The following NBAS variants were observed in gnomAD, a reference collection of about 807,000 sequenced individuals.
NBAS encodes the protein NBAS subunit of NRZ tethering complex, also known as NAG/BC035112 fusion.
A neutral mutation model predicts 302.5 loss-of-function variants in NBAS; 219 were observed. The ratio of observed to expected loss-of-function variants is 0.72; its 90% CI spans 0.65 to 0.81. NBAS has a LOEUF of 0.81. Ranked by LOEUF, NBAS falls within the 30% of genes least tolerant of loss-of-function variation. NBAS has a pLI of 0.00. For missense variants in NBAS, 2,932 were observed against 2,841.6 expected (o/e 1.03, Z -0.72); for synonymous variants, 1,118 against 1,021.6 (o/e 1.09, Z -1.80).
the NBAS span, among the ~76,000 whole-genome samples, chr2:14,788,683 G>C: frequency 6.6e-6 from 1 of 152,192 alleles, no homozygotes; most frequent in African/African-American, 2.4e-5. Flanking sequence ...TCCTCTGGAA[G>C]TTTTGTCTCA....
chr2:14,991,765 A>G, the NBAS span, among the ~76,000 whole-genome samples: 1 of 152,240 alleles, frequency 6.6e-6, no homozygotes, highest in Non-Finnish European at 1.5e-5. Flanking sequence ...CTGTATGAGA[A>G]TCTTCAGTTT....
Position 15,379,681 on chromosome 2 carries a change from T to C in NBAS, c.3511A>G (p.Ile1171Val). 8 of 1,614,014 alleles carry C rather than the reference T, an allele frequency of 5.0e-6. 1 individual carries two copies. The South Asian group carries it at 8.8e-5, about 18-fold the overall frequency. The change falls in exon 30 of 52, where the codon ATT becomes GTT. Residue 1171 changes from isoleucine to valine, a missense_variant. Transcript: ENST00000281513. Reference sequence around the variant, plus strand: ...CTGCTGGCAGCCAAAACCAAGTCAATACTCTTTTCGTAGCTGACCCTGTAG... The same window carrying C: ...CTGCTGGCAGCCAAAACCAAGTCAACACTCTTTTCGTAGCTGACCCTGTAG... ...PHYRVSYEKS[I>V]DLVLAASREY...
chr2:15,242,670 T>C (rs1335315328), intron 44 of NBAS, among the ~76,000 whole-genome samples: 1 of 151,584 alleles, frequency 6.6e-6, no homozygotes, highest in Non-Finnish European at 1.5e-5. Context: ...CTTTACTGTA[T>C]CTAGTGGCCC....
rs916720474 is a variant in NBAS, at chr2:15,410,993, G to A, written c.2937+4553C>T. 2.6e-5 allele frequency among the ~76,000 whole-genome samples: 4 copies of A among 152,238 alleles called. No homozygotes were observed. The South Asian group carries it at 6.2e-4, about 24-fold the overall frequency. On this transcript the variant is annotated intron_variant, in intron 25 of 51. Coordinates refer to ENST00000281513, the MANE Select transcript of NBAS (RefSeq NM_015909.4). ...GGCCTTGAACACGTTCTCCCTCTGC[G>A]GATGGTACTGTTCAATTTCAGCCTG...
chr2:15,149,151 A>T, the NBAS span, among the ~76,000 whole-genome samples: 1 of 152,240 alleles, frequency 6.6e-6, no homozygotes, highest in African/African-American at 2.4e-5. Context: ...TGATTAGTTC[A>T]TGAGGGCTTT....
chr2:15,456,538 A>G (rs7598196), intron 21 of NBAS, among the ~76,000 whole-genome samples: 94,002 of 152,040 alleles, frequency 0.62, 29,855 homozygotes, highest in Non-Finnish European at 0.68. Flanking sequence ...ACATTCGTGA[A>G]CAAGAGGCAA....
the NBAS span, among the ~76,000 whole-genome samples, chr2:14,795,516 A>T: frequency 6.7e-6 from 1 of 148,758 alleles, no homozygotes; most frequent in East Asian, 1.9e-4. Context: ...TATCAGATAT[A>T]ATTTGCAAAT....
At chr2:15,011,894 C>A in the NBAS span, among the ~76,000 whole-genome samples, 40 of 152,274 alleles carry the variant, frequency 2.6e-4, no homozygotes, top group South Asian at 8.3e-4. Context: ...AAAACCAACA[C>A]CCCAAGATCC....
chr2:15,276,824 A>G (rs746048787), intron 43 of NBAS, 27 bp downstream of exon 43: 2 of 1,613,828 alleles, frequency 1.2e-6, no homozygotes, highest in South Asian at 2.2e-5. Context: ...AAAAGAATGA[A>G]TTCAAGCAGG....
chr2:15,371,792 A>C (rs1418099450), intron 31 of NBAS, among the ~76,000 whole-genome samples: 1 of 152,162 alleles, frequency 6.6e-6, no homozygotes, highest in Non-Finnish European at 1.5e-5. Context: ...GAAAGAGGGC[A>C]ATGAACAGAG....
chr2:15,495,547 C>G (rs919154788), intron 11 of NBAS, among the ~76,000 whole-genome samples: 2 of 151,800 alleles, frequency 1.3e-5, no homozygotes, highest in Non-Finnish European at 2.9e-5. Flanking sequence ...TTTTAAAAAG[C>G]CATATTGTTA....
chr2:15,467,579 G>T, intron 18 of NBAS, 85 bp downstream of exon 18: 1 of 1,398,118 alleles, frequency 7.2e-7, no homozygotes, highest in Non-Finnish European at 1.0e-6. Flanking sequence ...AAAATAATTT[G>T]GACTAATTAT....
the NBAS span, among the ~76,000 whole-genome samples, chr2:14,781,512 G>C: frequency 6.6e-6 from 1 of 151,942 alleles, no homozygotes; most frequent in Admixed American, 6.6e-5. Context: ...GCAGGTTCTG[G>C]TCATTTCTTT....
the NBAS span, among the ~76,000 whole-genome samples, chr2:14,873,075 T>G: frequency 1.3e-5 from 2 of 152,222 alleles, no homozygotes; most frequent in African/African-American, 4.8e-5. Flanking sequence ...TCGGGTGGAC[T>G]GCGTTTATTC....
At chr2:15,144,176 C>T in the NBAS span, among the ~76,000 whole-genome samples, 1 of 151,724 alleles carries the variant, frequency 6.6e-6, no homozygotes, top group Admixed American at 6.6e-5. Flanking sequence ...CTCCCCAACA[C>T]ATATGCACAC....
At chr2:15,105,114 T>C in the NBAS span, among the ~76,000 whole-genome samples, 48,797 of 151,908 alleles carry the variant, frequency 0.32, 8,163 homozygotes, top group South Asian at 0.4. Context: ...TGCAGGGACA[T>C]AGATGAAGCT....
chr2:15,401,304 T>G (rs189558706), intron 26 of NBAS, among the ~76,000 whole-genome samples: 1 of 151,950 alleles, frequency 6.6e-6, no homozygotes, highest in Non-Finnish European at 1.5e-5. Flanking sequence ...AAATAAAAAT[T>G]TCCTTTAGTC....
intron 51 of NBAS, among the ~76,000 whole-genome samples, chr2:15,169,234 C>T (rs950208379): frequency 6.6e-6 from 1 of 152,156 alleles, no homozygotes; most frequent in Non-Finnish European, 1.5e-5. Context: ...TTTGACCCCA[C>T]CTTTGACCCA....
At chr2:15,222,017 A>T (rs1666969081) in intron 47 of NBAS, among the ~76,000 whole-genome samples, 1 of 152,222 alleles carries the variant, frequency 6.6e-6, no homozygotes, top group South Asian at 2.1e-4. Context: ...CCTTATTCGT[A>T]TATTGGAGAT....
Sources: allele counts gnomAD v4.1 joint callset (sites outside exome capture counted in the v4.1 genomes callset), GRCh38; gene constraint gnomAD v4.1.1; transcripts MANE v1.5; gene names NCBI Gene and HGNC (gene_info 2026-07-23, HGNC 2026-07-21).